Variants in BARX2 observed in about 807,000 individuals in gnomAD.
The protein encoded by BARX2 is homeobox protein BarH-like 2.
Under a neutral mutation model 25.5 loss-of-function variants are expected in BARX2, and 11 were observed. The observed-to-expected ratio is 0.43, with a 90% CI of 0.27 to 0.71. The LOEUF is 0.71. Among genes scored for constraint, BARX2 ranks in the 30% least tolerant of loss-of-function variants. The pLI, the probability that BARX2 is intolerant of heterozygous loss-of-function variation, is 0.19. For synonymous variants in BARX2, 137 were observed against 149.5 expected (o/e 0.92, Z 0.61); for missense variants, 360 against 359.9 (o/e 1.00, Z 0.00).
intron 1 of BARX2, among the ~76,000 whole-genome samples, chr11:129,433,370 C>G (rs2135409902): frequency 1.3e-5 from 2 of 152,316 alleles, no homozygotes; most frequent in South Asian, 4.1e-4. Flanking sequence ...CCCACCCTGG[C>G]CCCTGCAGTC....
chr11:129,420,342 A>C (rs2135403064), intron 1 of BARX2, among the ~76,000 whole-genome samples: 1 of 152,336 alleles, frequency 6.6e-6, no homozygotes, highest in Middle Eastern at 3.4e-3. Context: ...AGGCCATGCA[A>C]GCACTCAGTA....
rs1262384486 is a variant in BARX2 at position 129,451,192 on chromosome 11, C to G, written c.630C>G (p.Asn210Lys). The change falls in exon 4 of 4, where the codon AAC becomes AAG. Residue 210 changes from asparagine to lysine, a missense_variant. Asn to Lys is a moderately conservative substitution (Grantham distance 94). Transcript: ENST00000281437. ...AACCCAAAGGTCGCCCCAAGAAGAA[C>G]TCCATCCCCACATCAGAAGAGATTG... is the stretch of plus-strand genomic sequence containing the variant. ...PTKPKGRPKK[N>K]SIPTSEEIEA... 1 of 1,614,168 alleles carries G rather than the reference C, an allele frequency of 6.2e-7. No homozygotes were observed. The highest frequency in any genetic ancestry group is 2.2e-5 in the East Asian group (1 of 44,866).
chr11:129,435,946 G>A (rs1054243304), intron 1 of BARX2, among the ~76,000 whole-genome samples: 1 of 152,116 alleles, frequency 6.6e-6, no homozygotes, highest in Non-Finnish European at 1.5e-5. Context: ...ATTGTTAATC[G>A]ACCCAGCACC....
Position 129,376,102 on chromosome 11 carries a change from A to C in BARX2, c.67A>C (p.Lys23Gln), listed in dbSNP as rs762467548. Residue 23 changes from lysine (K) to glutamine (Q), a missense_variant, in exon 1 of 4, where the codon AAG (lysine) becomes CAG (glutamine). Physicochemically the swap from Lys to Gln is moderately conservative, Grantham distance 53. This residue lies in a region of BARX2 where 240 missense variants were observed against 228.7 expected (regional missense o/e 1.05). Transcript: ENST00000281437. This position sits in a 1 kb window ranked among gnomAD's most constrained non-coding sequence, Gnocchi z 4.2. Reference protein sequence around the residue: ...GQLKAARRRYKTFMIDEILSK... With the variant: ...GQLKAARRRYQTFMIDEILSK... The stretch of plus-strand genomic sequence containing the variant: ...GCTCAAAGCAGCCAGGCGGCGCTAC[A>C]AGACTTTCATGATCGACGAGATCCT... 6.2e-7 allele frequency: 1 copy of C among 1,612,846 alleles called. No homozygotes were observed. Among genetic ancestry groups the C allele is most frequent in the South Asian group, 1.1e-5 (1 of 90,970 alleles).
At chr11:129,422,301 C>A (rs1451565360) in intron 1 of BARX2, among the ~76,000 whole-genome samples, 1 of 152,088 alleles carries the variant, frequency 6.6e-6, no homozygotes, top group Non-Finnish European at 1.5e-5. Context: ...AATTTTCTTC[C>A]TTTTCCTTTT....
intron 1 of BARX2, among the ~76,000 whole-genome samples, chr11:129,392,623 GT>G (rs1427294183): frequency 6.6e-6 from 1 of 152,014 alleles, no homozygotes; most frequent in Non-Finnish European, 1.5e-5. Flanking sequence ...TTTGATTCTT[GT>G]TTTTTGAGAC....
chr11:129,395,578 C>G (rs1419981147), intron 1 of BARX2, among the ~76,000 whole-genome samples: 1 of 152,166 alleles, frequency 6.6e-6, no homozygotes, highest in Non-Finnish European at 1.5e-5. Flanking sequence ...CCCGGTCACA[C>G]CCCTCCAGTG....
intron 1 of BARX2, among the ~76,000 whole-genome samples, chr11:129,419,143 G>A (rs954899571): frequency 6.6e-6 from 1 of 152,176 alleles, no homozygotes; most frequent in Non-Finnish European, 1.5e-5. Context: ...GCCGGCCCCC[G>A]CCTGGCACCC....
chr11:129,451,233 T>G lies in BARX2; in HGVS notation c.671T>G (p.Met224Arg), dbSNP rs756048956. The G allele has an allele frequency of 5.0e-5, 81 of 1,613,978 alleles. No individual in the cohort carries two copies. The highest frequency in any genetic ancestry group is 6.5e-5 in the Non-Finnish European group (77 of 1,180,028). Residue 224 changes from methionine to arginine, a missense_variant, in exon 4 of 4, where the codon ATG becomes AGG. Transcript: ENST00000281437. The stretch of plus-strand genomic sequence containing the variant: ...GAAGAGATTGAAGCTGAAGAGAAGA[T>G]GAACAGCCAGGCCCAGGGTCAGGAG... ...TSEEIEAEEK[M>R]NSQAQGQEQL...
At chr11:129,388,623 G>A (rs1487192339) in intron 1 of BARX2, among the ~76,000 whole-genome samples, 2 of 152,148 alleles carry the variant, frequency 1.3e-5, no homozygotes, top group African/African-American at 4.8e-5. Context: ...AAAATGTCTG[G>A]TCGTTGATTG....
intron 2 of BARX2, 51 bp from the exon 3 acceptor site, chr11:129,442,784 C>G: frequency 6.6e-7 from 1 of 1,505,846 alleles, no homozygotes; most frequent in Non-Finnish European, 9.2e-7. Context: ...TCCCATCTCT[C>G]CTGCTGCCTC....
intron 1 of BARX2, among the ~76,000 whole-genome samples, chr11:129,419,179 C>T (rs930015020): frequency 1.3e-5 from 2 of 152,226 alleles, no homozygotes; most frequent in Non-Finnish European, 2.9e-5. Flanking sequence ...CTTCTGGCCA[C>T]CTGCACCCCT....
intron 1 of BARX2, among the ~76,000 whole-genome samples, chr11:129,387,775 C>T (rs989384056): frequency 1.3e-5 from 2 of 152,168 alleles, no homozygotes; most frequent in Non-Finnish European, 2.9e-5. Flanking sequence ...AGGGGCTAAA[C>T]AGCATATTTC....
intron 1 of BARX2, among the ~76,000 whole-genome samples, chr11:129,410,419 C>T (rs1861874332): frequency 6.6e-6 from 1 of 152,134 alleles, no homozygotes; most frequent in African/African-American, 2.4e-5. Flanking sequence ...CCCTGAATTC[C>T]CTCTGATTAT....
At chr11:129,422,803 AAGT>A (rs1862020321) in intron 1 of BARX2, among the ~76,000 whole-genome samples, 2 of 151,772 alleles carry the variant, frequency 1.3e-5, no homozygotes, top group African/African-American at 4.8e-5. Context: ...TCCCAGGTTC[AAGT>A]GATTCTCCTG....
intron 1 of BARX2, among the ~76,000 whole-genome samples, chr11:129,429,982 GT>G (rs1169516757): frequency 2.0e-5 from 3 of 152,152 alleles, no homozygotes; most frequent in African/African-American, 7.2e-5. Context: ...GGTCTTCGTG[GT>G]TTTCTAACTT....
intron 1 of BARX2, among the ~76,000 whole-genome samples, chr11:129,419,486 A>G (rs1417791073): frequency 1.3e-5 from 2 of 152,204 alleles, no homozygotes; most frequent in Non-Finnish European, 2.9e-5. Context: ...GTAGCGTGAT[A>G]TATACTTAAA....
intron 1 of BARX2, among the ~76,000 whole-genome samples, chr11:129,386,410 G>T (rs897850578): frequency 6.6e-6 from 1 of 152,166 alleles, no homozygotes; most frequent in Admixed American, 6.5e-5. Context: ...AAATGTTAAC[G>T]TGTAGCTTCT....
chr11:129,421,734 C>A (rs2954148), intron 1 of BARX2, among the ~76,000 whole-genome samples: 112,732 of 152,100 alleles, frequency 0.74, 42,134 homozygotes, highest in African/African-American at 0.83. Context: ...GTTCCAGCAA[C>A]GAGCTCTTCC....
Sources: gnomAD v4.1 joint callset for allele counts (sites outside exome capture counted in the v4.1 genomes callset) on GRCh38, gnomAD v4.1.1 for gene constraint, gnomAD v4.1.1 regional missense constraint, Gnocchi (gnomAD v3.1) non-coding constraint, MANE v1.5 for transcripts, NCBI Gene and HGNC (gene_info 2026-07-23, HGNC 2026-07-21) for gene names.